Variants in THRB observed in about 807,000 individuals in gnomAD.
THRB encodes nuclear receptor subfamily 1 group A member 2.
THRB carries 12 observed loss-of-function variants against 47.8 expected under a neutral mutation model. The observed-to-expected ratio is 0.25, with a 90% CI of 0.16 to 0.41. The LOEUF (loss-of-function observed/expected upper bound fraction) is 0.41. Ranked by LOEUF, THRB falls within the 10% of genes least tolerant of loss-of-function variation. The pLI, the probability that THRB is intolerant of heterozygous loss-of-function variation, is 1.00. For missense variants in THRB, 348 were observed against 589.2 expected (o/e 0.59, Z 4.24); for synonymous variants, 218 against 212.2 (o/e 1.03, Z -0.24).
chr3:24,426,598 G>C (rs1338995207), intron 1 of THRB, among the ~76,000 whole-genome samples: 1 of 151,878 alleles, frequency 6.6e-6, no homozygotes, highest in Non-Finnish European at 1.5e-5. Flanking sequence ...CTCTAAGACA[G>C]GTTTATGTCG....
At chr3:24,332,416 A>C (rs1457609676) in intron 2 of THRB, among the ~76,000 whole-genome samples, 1 of 152,242 alleles carries the variant, frequency 6.6e-6, no homozygotes, top group African/African-American at 2.4e-5. Context: ...AATGGTTTTC[A>C]CTATGGGCAG....
intron 1 of THRB, among the ~76,000 whole-genome samples, chr3:24,444,743 G>A (rs2071896816): frequency 6.6e-6 from 1 of 152,010 alleles, no homozygotes; most frequent in Admixed American, 6.6e-5. Flanking sequence ...GTGCCACCAT[G>A]CCTGGCTAAT....
chr3:24,414,042 G>T (rs1229786677), intron 1 of THRB, among the ~76,000 whole-genome samples: 1 of 151,814 alleles, frequency 6.6e-6, no homozygotes, highest in African/African-American at 2.4e-5. Flanking sequence ...TGCATTTTCA[G>T]TTATGTTTCA....
At chr3:24,444,661 T>C (rs1467492710) in intron 1 of THRB, among the ~76,000 whole-genome samples, 2 of 152,204 alleles carry the variant, frequency 1.3e-5, no homozygotes, top group African/African-American at 2.4e-5. Context: ...CAGAGTGCAA[T>C]GGCATGATCT....
At chr3:24,214,076 G>A (rs78405013) in intron 4 of THRB, among the ~76,000 whole-genome samples, 3,064 of 152,200 alleles carry the variant, frequency 0.02, 83 homozygotes, top group African/African-American at 0.061. Flanking sequence ...GATCATCTCC[G>A]TTTCACAGGT....
intron 3 of THRB, among the ~76,000 whole-genome samples, chr3:24,244,779 C>T (rs1037200084): frequency 3.3e-5 from 5 of 152,092 alleles, no homozygotes; most frequent in African/African-American, 4.8e-5. Context: ...ATCTTCCTCC[C>T]GAGAACTCAC....
intron 5 of THRB, among the ~76,000 whole-genome samples, chr3:24,181,976 C>T (rs1173209604): frequency 3.3e-5 from 5 of 152,102 alleles, no homozygotes; most frequent in South Asian, 4.1e-4. Context: ...CCAAGGTGGG[C>T]GGATCACGAG....
At chr3:24,285,923 T>C (rs1254773811) in intron 3 of THRB, among the ~76,000 whole-genome samples, 1 of 152,130 alleles carries the variant, frequency 6.6e-6, no homozygotes, top group African/African-American at 2.4e-5. Flanking sequence ...CCCAATGTGA[T>C]GGTATTTGGA....
At chr3:24,428,042 T>C (rs1165650353) in intron 1 of THRB, among the ~76,000 whole-genome samples, 1 of 152,046 alleles carries the variant, frequency 6.6e-6, no homozygotes, top group African/African-American at 2.4e-5. Flanking sequence ...GCATATTCCA[T>C]GTTTTCACCA....
intron 1 of THRB, among the ~76,000 whole-genome samples, chr3:24,407,969 G>A (rs572980216): frequency 6.6e-6 from 1 of 151,788 alleles, no homozygotes; most frequent in Non-Finnish European, 1.5e-5. Flanking sequence ...TATGAATGAG[G>A]TCCATCTTTA....
At chr3:24,366,268 A>G (rs1179574291) in intron 1 of THRB, among the ~76,000 whole-genome samples, 2 of 152,120 alleles carry the variant, frequency 1.3e-5, no homozygotes, top group Admixed American at 6.6e-5. Context: ...CTCTACTTAT[A>G]CTAATTGTAG....
At chr3:24,444,078 A>C (rs2071821256) in intron 1 of THRB, among the ~76,000 whole-genome samples, 1 of 152,190 alleles carries the variant, frequency 6.6e-6, no homozygotes, top group Non-Finnish European at 1.5e-5. Context: ...AATTTCTTTA[A>C]CATGGTTAGA....
At chr3:24,307,068 A>C (rs1440550494) in intron 2 of THRB, among the ~76,000 whole-genome samples, 1 of 151,758 alleles carries the variant, frequency 6.6e-6, no homozygotes, top group African/African-American at 2.4e-5. Flanking sequence ...TTATAATAAA[A>C]TATTAATGTT....
intron 4 of THRB, among the ~76,000 whole-genome samples, chr3:24,201,148 A>G (rs1408487726): frequency 6.6e-6 from 1 of 152,032 alleles, no homozygotes; most frequent in African/African-American, 2.4e-5. Context: ...GTTTAGGAAA[A>G]TGAAGAGAAG....
chr3:24,246,963 A>G (rs993507117), intron 3 of THRB, among the ~76,000 whole-genome samples: 1 of 152,218 alleles, frequency 6.6e-6, no homozygotes, highest in South Asian at 2.1e-4. Flanking sequence ...GAAAACAAAG[A>G]TTACCAGAGA....
At chr3:24,299,809 C>T (rs116763809) in intron 2 of THRB, among the ~76,000 whole-genome samples, 1,491 of 106,312 alleles carry the variant, frequency 0.014, 51 homozygotes, top group African/African-American at 0.057. Flanking sequence ...TTTTAGCAAA[C>T]ATACCAGAGT....
intron 2 of THRB, among the ~76,000 whole-genome samples, chr3:24,312,926 T>C (rs1429749643): frequency 6.6e-6 from 1 of 152,192 alleles, no homozygotes; most frequent in East Asian, 1.9e-4. Context: ...TAATAGATCA[T>C]TGAAACATTT....
intron 3 of THRB, among the ~76,000 whole-genome samples, chr3:24,245,570 C>T (rs2050028276): frequency 6.6e-6 from 1 of 152,138 alleles, no homozygotes; most frequent in South Asian, 2.1e-4. Flanking sequence ...ATTACCATGC[C>T]TCCCCGCACA....
At chr3:24,167,546 T>G (rs776899706) in intron 5 of THRB, among the ~76,000 whole-genome samples, 14 of 152,350 alleles carry the variant, frequency 9.2e-5, no homozygotes, top group African/African-American at 1.9e-4. Context: ...TTATGTTTTT[T>G]TGTCTGATGT....
Sources: allele counts gnomAD v4.1 joint callset (sites outside exome capture counted in the v4.1 genomes callset), GRCh38; gene constraint gnomAD v4.1.1; transcripts MANE v1.5; gene names NCBI Gene and HGNC (gene_info 2026-07-23, HGNC 2026-07-21).